MAP2K3: variants seen among roughly 807,000 people sequenced by gnomAD.
MAP2K3 encodes mitogen-activated protein kinase kinase 3.
MAP2K3 carries 30 observed loss-of-function variants against 46.4 expected under a neutral mutation model. The observed-to-expected ratio is 0.65, with a 90% CI of 0.48 to 0.88. MAP2K3 has a LOEUF of 0.88. Ranked by LOEUF, MAP2K3 falls within the 40% of genes least tolerant of loss-of-function variation. The probability of loss-of-function intolerance (pLI) is 0.00; values close to 1 mark genes in which losing one functional copy is unlikely to be tolerated. For missense variants in MAP2K3, 380 were observed against 464.5 expected (o/e 0.82, Z 1.67); for synonymous variants, 189 against 176.3 (o/e 1.07, Z -0.57).
At chr17:21,294,723 T>G (rs1378605193) in intron 1 of MAP2K3, among the ~76,000 whole-genome samples, 2 of 152,312 alleles carry the variant, frequency 1.3e-5, no homozygotes, top group African/African-American at 2.4e-5. Flanking sequence ...GAGGGTGGTG[T>G]TCTCTTGGGA....
intron 3 of MAP2K3, among the ~76,000 whole-genome samples, chr17:21,300,314 C>T (rs1023427113): frequency 6.6e-6 from 1 of 152,292 alleles, no homozygotes; most frequent in Admixed American, 6.5e-5. Context: ...AGTCACACTC[C>T]ATAGCAGCCT....
Position 21,311,440 on chromosome 17 carries a change from G to A in MAP2K3, c.775-702G>A, listed in dbSNP as rs3863554. ...AGCGAGGACAGAGACCCACCGGCCC[G>A]ATGTCACCCACAGGAAATCTGGATC... On this transcript the variant is annotated intron_variant, in intron 9 of 11. Transcript: ENST00000342679. Among the ~76,000 whole-genome samples the A allele has an allele frequency of 4.6e-5, 7 of 152,098 alleles. No homozygotes were observed. In the East Asian group the frequency reaches 5.8e-4, roughly 13 times the overall value.
intron 1 of MAP2K3, among the ~76,000 whole-genome samples, chr17:21,287,687 G>T (rs1975758733): frequency 6.6e-6 from 1 of 152,252 alleles, no homozygotes; most frequent in African/African-American, 2.4e-5. Flanking sequence ...CCAGTGGGTG[G>T]GGGCATGTGT....
chr17:21,314,440 G>A lies in MAP2K3; in HGVS notation c.*210G>A, dbSNP rs1597510682. 2.2e-5 allele frequency: 13 copies of A among 578,400 alleles called. No homozygotes were observed. Among genetic ancestry groups the A allele is most frequent in the East Asian group, 2.0e-4 (7 of 34,434 alleles). 35.8% of individuals were successfully genotyped at this position (578,400 alleles called of 1,614,324 possible). A position where few individuals can be genotyped will look rare whatever the true frequency, so the allele number is the denominator to read the frequency against. ...TGGGGCTCCCAGCCAGGCCCTTGTC[G>A]GCCCCACCAGTGCCTCTCCCTGCTG... On this transcript the variant is annotated 3_prime_UTR_variant, in exon 12 of 12. Coordinates refer to ENST00000342679, the MANE Select transcript of MAP2K3 (RefSeq NM_145109.3).
At position 21,310,236 on chromosome 17, in the gene MAP2K3, C is replaced by T. The variant is rs180824416; in HGVS notation, c.775-1906C>T. ...GTTGGTCAGACTGGTCTCGAACCCC[C>T]GACCTCAAGTGATCTGCCTGCCTCG... On this transcript the variant is annotated intron_variant, in intron 9 of 11. Transcript: ENST00000342679. Among the ~76,000 whole-genome samples the T allele has an allele frequency of 9.3e-4, 142 of 152,042 alleles. 1 individual carries two copies. The highest frequency in any genetic ancestry group is 3.2e-3 in the African/African-American group (134 of 41,482).
intron 1 of MAP2K3, among the ~76,000 whole-genome samples, chr17:21,296,940 C>T (rs576522343): frequency 3.9e-5 from 6 of 152,424 alleles, no homozygotes; most frequent in East Asian, 1.9e-4. Context: ...TGTCTGTGGA[C>T]GCTGTTGTTT....
intron 1 of MAP2K3, among the ~76,000 whole-genome samples, chr17:21,287,431 TCTC>T (rs751346161): frequency 1.3e-5 from 2 of 152,212 alleles, no homozygotes; most frequent in African/African-American, 4.8e-5. Context: ...ACTGATCCCT[TCTC>T]CACCTTCTCA....
chr17:21,310,463 G>A, intron 9 of MAP2K3, among the ~76,000 whole-genome samples: 1 of 152,146 alleles, frequency 6.6e-6, no homozygotes, highest in East Asian at 1.9e-4. Flanking sequence ...TCCTGGGGGA[G>A]CGACTGATGA....
In MAP2K3 at chr17:21,304,950, G is replaced by A. The variant is rs528459811; in HGVS notation, c.697-101G>A. 6.0e-6 allele frequency: 8 copies of A among 1,328,078 alleles called. No homozygotes were observed. The East Asian group carries it at 6.9e-5, about 11-fold the overall frequency. The allele number at this position is 1,328,078 out of a possible 1,614,324, so 82.3% of individuals were successfully genotyped here. On this transcript the variant is annotated intron_variant, in intron 8 of 11. Coordinates refer to ENST00000342679, the MANE Select transcript of MAP2K3 (RefSeq NM_145109.3). ...GTTTCCTCCCCCGTCACATGGGCAG[G>A]TGGGCTAAGCTGAGCGCTCAGTTTG...
chr17:21,298,550 G>T, intron 2 of MAP2K3, 71 bp downstream of exon 2: 1 of 1,613,008 alleles, frequency 6.2e-7, no homozygotes, highest in South Asian at 1.1e-5. Flanking sequence ...TGGAAGGAGT[G>T]AGAGGCAGGT....
chr17:21,287,892 C>T, intron 1 of MAP2K3: 3 of 483,708 alleles, frequency 6.2e-6, no homozygotes, highest in South Asian at 3.3e-5. Context: ...CTGTTGTATC[C>T]TAGCCCTGCC....
intron 1 of MAP2K3, among the ~76,000 whole-genome samples, chr17:21,294,261 A>C (rs1976113955): frequency 6.6e-6 from 1 of 151,854 alleles, no homozygotes; most frequent in South Asian, 2.1e-4. Flanking sequence ...CAGGCCCAGA[A>C]CTTCTGCAGT....
chr17:21,300,318 G>C (rs1976520222), intron 3 of MAP2K3, among the ~76,000 whole-genome samples: 1 of 152,310 alleles, frequency 6.6e-6, no homozygotes, highest in African/African-American at 2.4e-5. Context: ...ACACTCCATA[G>C]CAGCCTTGGG....
chr17:21,297,004 G>A (rs1384592333), intron 1 of MAP2K3, among the ~76,000 whole-genome samples: 3 of 152,300 alleles, frequency 2.0e-5, no homozygotes, highest in Admixed American at 2.0e-4. Flanking sequence ...TTGGTGGAAA[G>A]GCTGCAGGTA....
intron 1 of MAP2K3, among the ~76,000 whole-genome samples, chr17:21,294,041 G>A (rs907278922): frequency 1.2e-4 from 18 of 152,420 alleles, no homozygotes; most frequent in South Asian, 4.1e-4. Flanking sequence ...CTGGCAGGTC[G>A]CAGCCAAACA....
chr17:21,292,187 G>A (rs1045226093), intron 1 of MAP2K3, among the ~76,000 whole-genome samples: 6 of 152,296 alleles, frequency 3.9e-5, no homozygotes, highest in Non-Finnish European at 5.9e-5. Flanking sequence ...TGTGCTCAGT[G>A]AGCCTGGCTG....
intron 1 of MAP2K3, among the ~76,000 whole-genome samples, chr17:21,291,923 C>T (rs1483590686): frequency 2.6e-5 from 4 of 152,430 alleles, no homozygotes; most frequent in East Asian, 1.9e-4. Context: ...GTTCATAGGA[C>T]GTCAAAGGAG....
At chr17:21,292,834 C>T (rs1416677383) in intron 1 of MAP2K3, among the ~76,000 whole-genome samples, 1 of 152,312 alleles carries the variant, frequency 6.6e-6, no homozygotes, top group African/African-American at 2.4e-5. Flanking sequence ...CTGCTCTTGG[C>T]TCTTCCTGTC....
At chr17:21,296,115 T>C in intron 1 of MAP2K3, 1 of 1,289,582 alleles carries the variant, frequency 7.8e-7, no homozygotes, top group Non-Finnish European at 1.0e-6. Context: ...GGTGACCATT[T>C]ATGGGCCACA....
Sources: allele counts gnomAD v4.1 joint callset (sites outside exome capture counted in the v4.1 genomes callset), GRCh38; gene constraint gnomAD v4.1.1; transcripts MANE v1.5; gene names NCBI Gene and HGNC (gene_info 2026-07-23, HGNC 2026-07-21).